Variants in FKBP9 observed in about 807,000 individuals in gnomAD.
The protein encoded by FKBP9 is FKBP prolyl isomerase 9.
In FKBP9, 27 loss-of-function variants were observed where a neutral mutation model predicts 55.6. That is an observed-to-expected ratio of 0.49 (90% CI 0.36 to 0.67). FKBP9 has a LOEUF of 0.67. Among genes scored for constraint, FKBP9 ranks in the 30% least tolerant of loss-of-function variants. The pLI is 0.00. For missense variants in FKBP9, 539 were observed against 742.8 expected (o/e 0.73, Z 3.19); for synonymous variants, 267 against 296.5 (o/e 0.90, Z 1.02).
intron 1 of FKBP9, among the ~76,000 whole-genome samples, chr7:32,967,991 G>A (rs1307501170): frequency 6.6e-6 from 1 of 152,202 alleles, no homozygotes; most frequent in Non-Finnish European, 1.5e-5. Flanking sequence ...CCGACCTCAG[G>A]TGATCCACCC....
chr7:32,983,318 C>T (rs1784519965), intron 5 of FKBP9, among the ~76,000 whole-genome samples: 2 of 151,056 alleles, frequency 1.3e-5, no homozygotes, highest in Non-Finnish European at 2.9e-5. Flanking sequence ...GCCACTGCGC[C>T]CTGCCTTTTT....
Position 33,005,303 on chromosome 7 carries a change from C to G in FKBP9, c.1665C>G (p.Ala555=). The G allele has an allele frequency of 1.9e-6, 3 of 1,614,166 alleles. No individual in the cohort carries two copies. The highest frequency in any genetic ancestry group is 2.5e-6 in the Non-Finnish European group (3 of 1,180,030). The part of the protein sequence containing the change: ...QDRNGDGKVT[A]EEFKLKDQEA... Reference sequence around the variant, plus strand: ...GGAATGGAGATGGGAAGGTCACAGCCGAGGAATTTAAACTCAAAGACCAGG... The same window carrying G: ...GGAATGGAGATGGGAAGGTCACAGCGGAGGAATTTAAACTCAAAGACCAGG... Residue 555 remains alanine (A), a synonymous_variant, in exon 10 of 10, where the codon GCC becomes GCG. Transcript: ENST00000242209.
chr7:32,970,353 C>T (rs3109431), intron 1 of FKBP9, among the ~76,000 whole-genome samples: 2 of 152,054 alleles, frequency 1.3e-5, no homozygotes, highest in South Asian at 2.1e-4. Context: ...TATGCCACCA[C>T]GCCTGTCTAA....
intron 1 of FKBP9, among the ~76,000 whole-genome samples, chr7:32,958,861 C>G (rs914159910): frequency 2.6e-5 from 4 of 152,194 alleles, no homozygotes; most frequent in African/African-American, 9.7e-5. Flanking sequence ...CTACTCCTCG[C>G]CAAGGCTTTT....
rs1222397039 is a variant in FKBP9, at chr7:32,966,357, C to T, written c.222-8260C>T. On this transcript the variant is annotated intron_variant, in intron 1 of 9. Transcript: ENST00000242209. Reference sequence around the variant, plus strand: ...TTTTAAAGAGCATCATCAGAGGGTGCTACAGACAACTTTCCCATCACCCCC... The same window carrying T: ...TTTTAAAGAGCATCATCAGAGGGTGTTACAGACAACTTTCCCATCACCCCC... Among the ~76,000 whole-genome samples the T allele has an allele frequency of 2.6e-5, 4 of 151,884 alleles. No homozygotes were observed. In the East Asian group the frequency reaches 7.7e-4, roughly 29 times the overall value.
intron 6 of FKBP9, 117 bp downstream of exon 6, chr7:32,988,769 A>G (rs1300683118): frequency 3.9e-5 from 39 of 1,008,180 alleles, no homozygotes; most frequent in Non-Finnish European, 1.1e-5. Context: ...CCTCTGTTGA[A>G]CAGGCTGGAA....
intron 1 of FKBP9, among the ~76,000 whole-genome samples, chr7:32,960,515 G>T (rs573563284): frequency 2.0e-5 from 3 of 152,190 alleles, no homozygotes; most frequent in African/African-American, 2.4e-5. Context: ...CATCATATGC[G>T]TATTGACCAT....
At chr7:32,965,824 T>TATGTGTACAC (rs1784127836) in intron 1 of FKBP9, among the ~76,000 whole-genome samples, 1 of 18,220 alleles carries the variant, frequency 5.5e-5, no homozygotes, top group African/African-American at 2.2e-4. Flanking sequence ...TATATATATA[T>TATGTGTACAC]ATATATATAT....
chr7:32,966,920 T>C (rs1264230676), intron 1 of FKBP9, among the ~76,000 whole-genome samples: 1 of 152,050 alleles, frequency 6.6e-6, no homozygotes, highest in Non-Finnish European at 1.5e-5. Context: ...CCTCCAACAC[T>C]GGGGATTACA....
chr7:32,969,605 C>T (rs1784215144), intron 1 of FKBP9, among the ~76,000 whole-genome samples: 1 of 152,090 alleles, frequency 6.6e-6, no homozygotes, highest in African/African-American at 2.4e-5. Context: ...CAGTACCATG[C>T]TGCCTTGATT....
At chr7:32,984,631 G>A (rs954796394) in intron 5 of FKBP9, among the ~76,000 whole-genome samples, 18 of 152,286 alleles carry the variant, frequency 1.2e-4, no homozygotes, top group Admixed American at 1.2e-3. Flanking sequence ...TTTCCTGTCA[G>A]CCCCTTCCAT....
chr7:32,960,735 A>G (rs562391758), intron 1 of FKBP9, among the ~76,000 whole-genome samples: 3 of 152,256 alleles, frequency 2.0e-5, no homozygotes, highest in East Asian at 3.9e-4. Flanking sequence ...CTCAAGAGAG[A>G]GACTAGTCCT....
At chr7:32,972,337 A>G (rs550740955) in intron 1 of FKBP9, among the ~76,000 whole-genome samples, 8 of 152,226 alleles carry the variant, frequency 5.3e-5, no homozygotes, top group African/African-American at 1.9e-4. Flanking sequence ...GAAACTTATT[A>G]AAATAGGCTG....
intron 6 of FKBP9, among the ~76,000 whole-genome samples, chr7:32,989,922 A>T (rs560944568): frequency 6.6e-6 from 1 of 152,190 alleles, no homozygotes; most frequent in Non-Finnish European, 1.5e-5. Flanking sequence ...TGTTAAAGTG[A>T]TCCTCCTGCA....
chr7:33,003,089 A>G (rs1784963031), intron 9 of FKBP9, among the ~76,000 whole-genome samples: 1 of 152,144 alleles, frequency 6.6e-6, no homozygotes, highest in African/African-American at 2.4e-5. Flanking sequence ...TACAGTCTGC[A>G]TTTAGTTCTC....
At chr7:32,965,793 A>G (rs1784119964) in intron 1 of FKBP9, among the ~76,000 whole-genome samples, 1 of 41,392 alleles carries the variant, frequency 2.4e-5, no homozygotes, top group African/African-American at 8.3e-5. Context: ...GCGAGACTCC[A>G]TGTCAAAAAA....
intron 4 of FKBP9, among the ~76,000 whole-genome samples, chr7:32,977,890 T>TAC (rs1554285575): frequency 1.4e-4 from 20 of 139,340 alleles, no homozygotes; most frequent in South Asian, 8.9e-4. Flanking sequence ...TATGTATATA[T>TAC]ACACTCATAT....
intron 1 of FKBP9, among the ~76,000 whole-genome samples, chr7:32,969,487 C>T (rs1227335494): frequency 2.6e-5 from 4 of 152,154 alleles, no homozygotes; most frequent in Non-Finnish European, 5.9e-5. Context: ...AGAGACCATC[C>T]TTACCCACTG....
intron 6 of FKBP9, among the ~76,000 whole-genome samples, chr7:32,993,891 G>A (rs757621386): frequency 1.3e-5 from 2 of 152,020 alleles, no homozygotes; most frequent in South Asian, 2.1e-4. Context: ...TCCATTGGAT[G>A]TATATACTAC....
Sources: gnomAD v4.1 joint callset for allele counts (sites outside exome capture counted in the v4.1 genomes callset) on GRCh38, gnomAD v4.1.1 for gene constraint, MANE v1.5 for transcripts, NCBI Gene and HGNC (gene_info 2026-07-23, HGNC 2026-07-21) for gene names.